Variants in CD200 observed in about 807,000 individuals in gnomAD.
CD200 encodes the protein OX-2 membrane glycoprotein.
Under a neutral mutation model 30.9 loss-of-function variants are expected in CD200, and 15 were observed. That is an observed-to-expected ratio of 0.49 (90% CI 0.32 to 0.75). The LOEUF (loss-of-function observed/expected upper bound fraction) is 0.75. Among genes scored for constraint, CD200 ranks in the 30% least tolerant of loss-of-function variants. CD200 has a pLI of 0.03. For synonymous variants in CD200, 134 were observed against 126.2 expected, an observed-to-expected ratio of 1.06 and a Z score of -0.41; for missense variants, 262 against 324.2, an observed-to-expected ratio of 0.81 and a Z score of 1.47.
intron 1 of CD200, chr3:112,333,468 T>C (rs974820836): frequency 4.0e-5 from 39 of 985,120 alleles, no homozygotes; most frequent in Non-Finnish European, 4.3e-5. Context: ...TCCATTCCAA[T>C]TGCCTGAAAA....
intron 5 of CD200, among the ~76,000 whole-genome samples, chr3:112,358,530 A>AT (rs1047138980): frequency 3.9e-4 from 59 of 152,166 alleles, no homozygotes; most frequent in Admixed American, 9.8e-4. Flanking sequence ...TTGCTTAGAC[A>AT]TTTTTTTTGT....
intron 5 of CD200, among the ~76,000 whole-genome samples, chr3:112,357,863 CT>C (rs755860435): frequency 6.6e-6 from 1 of 152,176 alleles, no homozygotes; most frequent in Admixed American, 6.5e-5. Context: ...CATCACCAAA[CT>C]TTTAATAAAG....
chr3:112,333,332 A>C, intron 1 of CD200, 108 bp downstream of exon 1: 1 of 1,474,468 alleles, frequency 6.8e-7, no homozygotes, highest in Non-Finnish European at 9.0e-7. Context: ...CTCTTGCCAC[A>C]ATCTGGTCCG....
chr3:112,337,454 G>C (rs1382899817), intron 1 of CD200, among the ~76,000 whole-genome samples: 1 of 152,132 alleles, frequency 6.6e-6, no homozygotes, highest in Admixed American at 6.5e-5. Flanking sequence ...AGTAGAAAAG[G>C]CTAGCTGGCA....
upstream of CD200, chr3:112,333,015 C>T (rs915767512): frequency 1.5e-6 from 1 of 677,038 alleles, no homozygotes. Context: ...TGAATATAAA[C>T]ATCATTTAAT....
chr3:112,341,950 C>T (rs1307833220), intron 2 of CD200, among the ~76,000 whole-genome samples: 2 of 152,182 alleles, frequency 1.3e-5, no homozygotes, highest in Non-Finnish European at 2.9e-5. Context: ...TCATGCAATA[C>T]TCAGGGGTTC....
Position 112,361,708 on chromosome 3 carries a change from G to A in CD200, c.*158G>A. 2.8e-6 allele frequency: 2 copies of A among 720,246 alleles called. No individual in the cohort carries two copies. Among genetic ancestry groups the A allele is most frequent in the South Asian group, 1.6e-5 (1 of 62,204 alleles). 44.6% of individuals were successfully genotyped at this position (720,246 alleles called of 1,614,324 possible). ...ATCCCACGACTTTTTACTGCCATCTGAGCTACTCAGTGTTTGAATCCCAAG... is the reference window on the plus strand; with the variant it reads ...ATCCCACGACTTTTTACTGCCATCTAAGCTACTCAGTGTTTGAATCCCAAG... On this transcript the variant is annotated 3_prime_UTR_variant, in exon 6 of 6. Transcript: ENST00000315711.
intron 5 of CD200, among the ~76,000 whole-genome samples, chr3:112,355,962 C>T (rs570089106): frequency 2.0e-5 from 3 of 152,206 alleles, no homozygotes; most frequent in Non-Finnish European, 4.4e-5. Context: ...ACAATTTCTT[C>T]TAGTAAATAA....
chr3:112,353,749 A>G (rs2081578740), intron 5 of CD200, among the ~76,000 whole-genome samples: 2 of 152,186 alleles, frequency 1.3e-5, no homozygotes, highest in African/African-American at 4.8e-5. Context: ...CTTCCCGTAC[A>G]AAGGCTGTAT....
At chr3:112,339,521 C>G (rs1379114987) in intron 1 of CD200, among the ~76,000 whole-genome samples, 1 of 152,168 alleles carries the variant, frequency 6.6e-6, no homozygotes, top group Admixed American at 6.5e-5. Flanking sequence ...GCCCTGTGTC[C>G]AGGCCCCAGA....
intron 2 of CD200, among the ~76,000 whole-genome samples, chr3:112,342,271 G>GTCCTTCCTTCCTTCCTTCCTTCCT (rs745418625): frequency 2.6e-5 from 2 of 75,672 alleles, no homozygotes; most frequent in African/African-American, 5.7e-5. Context: ...TCTGAGAACT[G>GTCCTTCCTTCCTTCCTTCCTTCCT]TCCTTCCTTC....
At chr3:112,341,994 C>G (rs753614286) in intron 2 of CD200, among the ~76,000 whole-genome samples, 7 of 152,088 alleles carry the variant, frequency 4.6e-5, no homozygotes, top group Non-Finnish European at 1.0e-4. Context: ...CTTTCATTCC[C>G]TGATATTGTG....
intron 2 of CD200, among the ~76,000 whole-genome samples, chr3:112,342,354 TTTCTTTC>T (rs2081275085): frequency 5.4e-5 from 1 of 18,454 alleles, no homozygotes; most frequent in African/African-American, 2.0e-4. Context: ...TCTTTCTTTC[TTTCTTTC>T]TTTCTTTCTT....
chr3:112,362,033 G>A lies in CD200; in HGVS notation c.*483G>A, dbSNP rs2081751619. The stretch of plus-strand genomic sequence containing the variant: ...AAAGAGAGAGAGAAGAAAGAATACA[G>A]AGAGCTTACCTTTTGCCTTTCTGTT... On this transcript the variant is annotated 3_prime_UTR_variant, in exon 6 of 6. Coordinates refer to ENST00000315711, the MANE Select transcript of CD200 (RefSeq NM_005944.7). 1 of 157,558 alleles carries A rather than the reference G, an allele frequency of 6.3e-6. No individual in the cohort carries two copies. Among genetic ancestry groups the A allele is most frequent in the South Asian group, 1.9e-4 (1 of 5,142 alleles). 9.8% of individuals were successfully genotyped at this position (157,558 alleles called of 1,614,324 possible).
In CD200 at chr3:112,340,908, A is replaced by G; in HGVS notation, c.19A>G (p.Arg7Gly). The change falls in exon 2 of 6, where the codon AGG (arginine) becomes GGG (glycine). Residue 7 changes from arginine (R) to glycine (G), a missense_variant. Physicochemically the swap from Arg to Gly is moderately radical, Grantham distance 125. Coordinates refer to ENST00000315711, the MANE Select transcript of CD200 (RefSeq NM_005944.7). MERLVI[R>G]MPFSHLSTYS... ...CTTTGCTTTCTGTCTTCAGGTGATC[A>G]GGATGCCCTTCTCTCATCTGTCTAC... is the stretch of plus-strand genomic sequence containing the variant. The G allele has an allele frequency of 3.1e-6, 5 of 1,600,602 alleles. No homozygotes were observed. The highest frequency in any genetic ancestry group is 4.3e-6 in the Non-Finnish European group (5 of 1,168,228).
In CD200 at chr3:112,347,702, C is replaced by A; in HGVS notation, c.566C>A (p.Pro189Gln). 6.2e-7 allele frequency: 1 copy of A among 1,614,020 alleles called. No individual in the cohort carries two copies. Among genetic ancestry groups the A allele is most frequent in the Non-Finnish European group, 8.5e-7 (1 of 1,179,958 alleles). Residue 189 changes from proline to glutamine, a missense_variant, in exon 4 of 6, where the codon CCA becomes CAA. Coordinates refer to ENST00000315711, the MANE Select transcript of CD200 (RefSeq NM_005944.7). ...IENSTVTLSH[P>Q]NGTTSVTSIL... ...AATAGTACAGTGACTCTGTCTCACC[C>A]AAATGGGACCACGTCTGTTACCAGC...
intron 4 of CD200, among the ~76,000 whole-genome samples, chr3:112,348,032 C>T (rs2081441667): frequency 6.6e-6 from 1 of 152,132 alleles, no homozygotes; most frequent in Non-Finnish European, 1.5e-5. Context: ...TGGTTCATTG[C>T]CCACACACCA....
At chr3:112,333,913 G>A in intron 1 of CD200, 2 of 985,388 alleles carry the variant, frequency 2.0e-6, no homozygotes, top group African/African-American at 1.7e-5. Flanking sequence ...ACAAAAAACG[G>A]AGAAGGTTTT....
At chr3:112,357,704 A>C (rs2108473553) in intron 5 of CD200, among the ~76,000 whole-genome samples, 1 of 152,280 alleles carries the variant, frequency 6.6e-6, no homozygotes, top group South Asian at 2.1e-4. Flanking sequence ...GGAAGGGAGA[A>C]GAACTCATAC....
Sources: gnomAD v4.1 joint callset for allele counts (sites outside exome capture counted in the v4.1 genomes callset) on GRCh38, gnomAD v4.1.1 for gene constraint, MANE v1.5 for transcripts, NCBI Gene and HGNC (gene_info 2026-07-23, HGNC 2026-07-21) for gene names.